HSD17B14: variants seen among roughly 807,000 people sequenced by gnomAD.
HSD17B14 encodes L-fucose dehydrogenase.
HSD17B14 carries 32 observed loss-of-function variants against 32.2 expected under a neutral mutation model. The ratio of observed to expected loss-of-function variants is 0.99; its 90% CI spans 0.75 to 1.33. HSD17B14 has a LOEUF of 1.33. Among genes scored for constraint, HSD17B14 ranks in the 40% most tolerant of loss-of-function variants. The pLI, the probability that HSD17B14 is intolerant of heterozygous loss-of-function variation, is 0.00. For synonymous variants in HSD17B14, 140 were observed against 155.4 expected, an observed-to-expected ratio of 0.90 and a Z score of 0.74; for missense variants, 370 against 366.5, an observed-to-expected ratio of 1.01 and a Z score of -0.08.
At chr19:48,829,125 A>T (rs2035295697) in intron 5 of HSD17B14, among the ~76,000 whole-genome samples, 1 of 152,154 alleles carries the variant, frequency 6.6e-6, no homozygotes, top group East Asian at 1.9e-4. Context: ...GATCCTGATC[A>T]TCTAAAGGGG....
intron 5 of HSD17B14, among the ~76,000 whole-genome samples, chr19:48,820,805 C>T (rs1402985318): frequency 1.3e-5 from 2 of 151,636 alleles, no homozygotes; most frequent in Non-Finnish European, 2.9e-5. Flanking sequence ...GAGTTCGAGA[C>T]CTGCCTGGGC....
In HSD17B14 at chr19:48,835,393, T is replaced by C. The variant is rs111773671; in HGVS notation, c.127+412A>G. Among the ~76,000 whole-genome samples, 148 of 105,038 alleles carry C rather than the reference T, an allele frequency of 1.4e-3. 1 individual carries two copies. Among genetic ancestry groups the C allele is most frequent in the African/African-American group, 4.0e-3 (103 of 25,916 alleles). 68.9% of individuals were successfully genotyped at this position (105,038 alleles called of 152,430 possible). On this transcript the variant is annotated intron_variant, in intron 2 of 8. Coordinates refer to ENST00000263278, the MANE Select transcript of HSD17B14 (RefSeq NM_016246.3). ...GGGCTGAGGTCTGGACTCCTGGGTC[T>C]GAGAAAGTAGGGCCTGGGGGCCTGG...
chr19:48,819,130 G>A (rs1364846491), intron 5 of HSD17B14, among the ~76,000 whole-genome samples: 9 of 152,050 alleles, frequency 5.9e-5, no homozygotes, highest in East Asian at 3.9e-4. Flanking sequence ...CTGGGATTAC[G>A]GGCGCCTACC....
Position 48,814,947 on chromosome 19 carries a change from T to G in HSD17B14, c.474+90A>C, listed in dbSNP as rs1599823034. The G allele has an allele frequency of 4.3e-6, 4 of 919,762 alleles. No individual in the cohort carries two copies. The East Asian group carries it at 7.6e-5, about 17-fold the overall frequency. The allele number at this position is 919,762 out of a possible 1,614,324, so 57.0% of individuals were successfully genotyped here. Reference sequence around the variant, plus strand: ...GTGAGACTTTCTAGGGCCAAGATCTTGCTAGGTCTGGCTCCTAAGTTGTCT... The same window carrying G: ...GTGAGACTTTCTAGGGCCAAGATCTGGCTAGGTCTGGCTCCTAAGTTGTCT... On this transcript the variant is annotated intron_variant, in intron 6 of 8. Coordinates refer to ENST00000263278, the MANE Select transcript of HSD17B14 (RefSeq NM_016246.3).
intron 4 of HSD17B14, 132 bp from the exon 5 acceptor site, chr19:48,831,891 G>A: frequency 3.3e-6 from 2 of 608,624 alleles, no homozygotes; most frequent in Non-Finnish European, 6.0e-6. Flanking sequence ...CAACCTGGCT[G>A]ACAGGGCAAA....
At chr19:48,822,785 A>G (rs1319570960) in intron 5 of HSD17B14, among the ~76,000 whole-genome samples, 1 of 149,576 alleles carries the variant, frequency 6.7e-6, no homozygotes, top group Non-Finnish European at 1.5e-5. Context: ...TGATGGTGGT[A>G]ATGATGGTGA....
intron 4 of HSD17B14, among the ~76,000 whole-genome samples, 188 bp from the exon 5 acceptor site, chr19:48,831,947 G>A (rs532154469): frequency 2.6e-5 from 4 of 151,432 alleles, no homozygotes; most frequent in Non-Finnish European, 4.4e-5. Context: ...GTGTGGTGGC[G>A]GGTGCCTATA....
intron 5 of HSD17B14, among the ~76,000 whole-genome samples, chr19:48,822,158 T>C (rs2035164690): frequency 6.6e-6 from 1 of 151,656 alleles, no homozygotes; most frequent in Non-Finnish European, 1.5e-5. Flanking sequence ...ATTGTGGTAA[T>C]GACAGTGTTG....
rs147920520 is a variant in HSD17B14 at position 48,834,353 on chromosome 19, C to G, written c.133G>C (p.Gly45Arg). 6 of 1,613,234 alleles carry G rather than the reference C, an allele frequency of 3.7e-6. No individual in the cohort carries two copies. Among genetic ancestry groups the G allele is most frequent in the Non-Finnish European group, 5.1e-6 (6 of 1,179,490 alleles). ...RVVICDKDES[G>R]GRALEQELPG... ...AGCTCCTGCTCCAGGGCCCGGCCCC[C>G]AGACTCTGCAGGGAGAGAAGAGCTG... is the stretch of plus-strand genomic sequence containing the variant. The change falls in exon 3 of 9, where the codon GGG becomes CGG. Residue 45 changes from glycine to arginine, a missense_variant. Gly to Arg is a moderately radical substitution (Grantham distance 125, BLOSUM62 -2). Coordinates refer to ENST00000263278, the MANE Select transcript of HSD17B14 (RefSeq NM_016246.3).
Position 48,813,247 on chromosome 19 carries a change from C to G in HSD17B14, c.741G>C (p.Gly247=), listed in dbSNP as rs147117678. The G allele has an allele frequency of 1.3e-4, 203 of 1,609,340 alleles. No homozygotes were observed. Among genetic ancestry groups the G allele is most frequent in the Non-Finnish European group, 1.7e-4 (198 of 1,178,158 alleles). ...TGCACCCGTACCCCAGCTCTGCACC[C>G]CCCGTCACGAGCAGTTCAATGCCCG... is the stretch of plus-strand genomic sequence containing the variant. The part of the protein sequence containing the change: ...FCTGIELLVT[G]GAELGYGCKA... Residue 247 remains glycine, a synonymous_variant, in exon 9 of 9, where the codon GGG becomes GGC. Coordinates refer to ENST00000263278, the MANE Select transcript of HSD17B14 (RefSeq NM_016246.3).
At chr19:48,816,950 C>T (rs2122743789) in intron 5 of HSD17B14, among the ~76,000 whole-genome samples, 1 of 151,696 alleles carries the variant, frequency 6.6e-6, no homozygotes, top group African/African-American at 2.4e-5. Context: ...ATTCTCCTGC[C>T]TCGGCTTCCC....
At chr19:48,829,285 T>C (rs994855097) in intron 5 of HSD17B14, among the ~76,000 whole-genome samples, 6 of 151,546 alleles carry the variant, frequency 4.0e-5, no homozygotes, top group Non-Finnish European at 7.4e-5. Flanking sequence ...AGCTCCCAGG[T>C]TGAAGTGATC....
intron 5 of HSD17B14, among the ~76,000 whole-genome samples, chr19:48,826,019 A>G (rs1270570502): frequency 6.6e-6 from 1 of 151,526 alleles, no homozygotes; most frequent in Non-Finnish European, 1.5e-5. Context: ...ATGGGGTTTC[A>G]CCGTGTTAGC....
intron 5 of HSD17B14, among the ~76,000 whole-genome samples, chr19:48,830,873 A>G (rs943192007): frequency 8.7e-6 from 1 of 114,570 alleles, no homozygotes; most frequent in Non-Finnish European, 1.8e-5. Flanking sequence ...AGCATCTTGC[A>G]ATGTTGCCCA....
chr19:48,830,822 CTATTTATTTATTTATT>C (rs150317727), intron 5 of HSD17B14, among the ~76,000 whole-genome samples: 1 of 147,580 alleles, frequency 6.8e-6, no homozygotes, highest in Non-Finnish European at 1.5e-5. Context: ...TGGACCTGGC[CTATTTATTTATTTATT>C]TATTTATTTA....
intron 5 of HSD17B14, among the ~76,000 whole-genome samples, chr19:48,824,394 C>T (rs2035208699): frequency 6.8e-6 from 1 of 147,158 alleles, no homozygotes; most frequent in African/African-American, 2.5e-5. Context: ...TGTGATGGCA[C>T]CACTGCTCAC....
In HSD17B14 at chr19:48,813,246, C is replaced by G. The variant is rs199594671; in HGVS notation, c.742G>C (p.Gly248Arg). ...CTGIELLVTG[G>R]AELGYGCKAS... ...TTGCACCCGTACCCCAGCTCTGCAC[C>G]CCCCGTCACGAGCAGTTCAATGCCC... The change falls in exon 9 of 9, where the codon GGT (glycine) becomes CGT (arginine). Residue 248 changes from glycine to arginine, a missense_variant. Coordinates refer to ENST00000263278, the MANE Select transcript of HSD17B14 (RefSeq NM_016246.3). 1.2e-6 allele frequency: 2 copies of G among 1,609,492 alleles called. No homozygotes were observed. The highest frequency in any genetic ancestry group is 2.2e-5 in the East Asian group (1 of 44,728).
At chr19:48,833,307 G>A (rs752180619) in intron 3 of HSD17B14, among the ~76,000 whole-genome samples, 9 of 152,004 alleles carry the variant, frequency 5.9e-5, no homozygotes, top group South Asian at 2.1e-4. Context: ...TTCAGAGAGC[G>A]CGTAGGGGAC....
intron 5 of HSD17B14, among the ~76,000 whole-genome samples, chr19:48,826,782 T>C (rs2035258558): frequency 1.3e-5 from 2 of 151,712 alleles, no homozygotes; most frequent in Admixed American, 6.6e-5. Flanking sequence ...CCCTGGACAC[T>C]GGGCCCGCCC....
Sources: gnomAD v4.1 joint callset for allele counts (sites outside exome capture counted in the v4.1 genomes callset) on GRCh38, gnomAD v4.1.1 for gene constraint, MANE v1.5 for transcripts, NCBI Gene and HGNC (gene_info 2026-07-23, HGNC 2026-07-21) for gene names.